Variants in DCLRE1C observed in about 807,000 individuals in gnomAD.
DCLRE1C encodes the protein protein artemis.
DCLRE1C carries 47 observed loss-of-function variants against 61.4 expected under a neutral mutation model. That is an observed-to-expected ratio of 0.77 (90% CI 0.61 to 0.98). The LOEUF (loss-of-function observed/expected upper bound fraction) is 0.98. Among genes scored for constraint, DCLRE1C ranks in the 50% least tolerant of loss-of-function variants. The pLI is 0.00. For missense variants in DCLRE1C, 858 were observed against 816.0 expected, an observed-to-expected ratio of 1.05 and a Z score of -0.63; for synonymous variants, 337 against 287.6, an observed-to-expected ratio of 1.17 and a Z score of -1.74.
At position 14,907,726 on chromosome 10, in the gene DCLRE1C, A is replaced by T. The variant is rs1041609652; in HGVS notation, c.*682T>A. Among the ~76,000 whole-genome samples the T allele has an allele frequency of 3.3e-5, 5 of 151,658 alleles. No individual in the cohort carries two copies. The highest frequency in any genetic ancestry group is 1.2e-4 in the African/African-American group (5 of 41,200). Reference sequence around the variant, plus strand: ...TTTAACCTATCAATCACTTGAATTGACTTTCTTTATAGACAGCAGATCACT... The same window carrying T: ...TTTAACCTATCAATCACTTGAATTGTCTTTCTTTATAGACAGCAGATCACT... On this transcript the variant is annotated 3_prime_UTR_variant, in exon 14 of 14. Coordinates refer to ENST00000378278, the MANE Select transcript of DCLRE1C (RefSeq NM_001033855.3).
chr10:14,923,149 AAG>A, intron 11 of DCLRE1C, 80 bp from the exon 12 acceptor site: 1 of 1,095,550 alleles, frequency 9.1e-7, no homozygotes, highest in Non-Finnish European at 1.4e-6. Flanking sequence ...AGGCTGGGGA[AAG>A]AGAAGCAGAA....
intron 9 of DCLRE1C, among the ~76,000 whole-genome samples, chr10:14,928,653 G>A (rs1838434940): frequency 6.6e-6 from 1 of 152,186 alleles, no homozygotes; most frequent in Non-Finnish European, 1.5e-5. Flanking sequence ...TGAAGGATTT[G>A]GGGTGACGTA....
chr10:14,899,099 C>T (rs952085913), exon 14 of DCLRE1C: 11 of 628,850 alleles, frequency 1.7e-5, no homozygotes, highest in Non-Finnish European at 2.0e-5. Context: ...GCTGGAGGCT[C>T]ACTTGAGCCC....
chr10:14,923,114 A>G (rs1208648570), intron 11 of DCLRE1C, 45 bp from the exon 12 acceptor site: 1 of 1,456,518 alleles, frequency 6.9e-7, no homozygotes, highest in African/African-American at 1.4e-5. Context: ...CTACGATGAA[A>G]CAGGTTGTTA....
chr10:14,899,646 G>C (rs777832782), downstream of DCLRE1C: 3 of 1,614,046 alleles, frequency 1.9e-6, no homozygotes. Context: ...CAGTGGATGC[G>C]GCTCGATACG....
At chr10:14,945,805 C>T (rs1195341643) in intron 2 of DCLRE1C, among the ~76,000 whole-genome samples, 7 of 151,058 alleles carry the variant, frequency 4.6e-5, no homozygotes, top group Middle Eastern at 3.4e-3. Flanking sequence ...ATTACAAGCA[C>T]GCGCCATGAT....
intron 1 of DCLRE1C, 128 bp downstream of exon 1, chr10:14,953,774 G>T (rs1270812221): frequency 5.2e-6 from 7 of 1,347,000 alleles, no homozygotes; most frequent in Non-Finnish European, 6.2e-6. Flanking sequence ...ACTGGGACAA[G>T]GCGTGTGCTG....
intron 3 of DCLRE1C, among the ~76,000 whole-genome samples, chr10:14,940,187 A>C (rs1392876160): frequency 6.6e-6 from 1 of 151,938 alleles, no homozygotes; most frequent in Non-Finnish European, 1.5e-5. Context: ...CTCTCTCTGA[A>C]TTCTGAGTCT....
At position 14,925,225 on chromosome 10, in the gene DCLRE1C, TAAAAAAAAAA is replaced by T. The variant is rs67477083; in HGVS notation, c.972+1608_972+1617del. Among the ~76,000 whole-genome samples the T allele has an allele frequency of 7.3e-5, 8 of 109,326 alleles. No individual in the cohort carries two copies. The South Asian group carries it at 9.0e-4, about 12-fold the overall frequency. The allele number at this position is 109,326 out of a possible 152,430, so 71.7% of individuals were successfully genotyped here. ...AGACTTTTGAAGGGAATAAAGGATTTAAAAAAAAAAAAAAAAAAAAAAAGTAAAGTCAAGC... is the reference window on the plus strand; with the variant it reads ...AGACTTTTGAAGGGAATAAAGGATTTAAAAAAAAAAAAAGTAAAGTCAAGC... On this transcript the variant is annotated intron_variant, in intron 11 of 13. Coordinates refer to ENST00000378278, the MANE Select transcript of DCLRE1C (RefSeq NM_001033855.3).
intron 13 of DCLRE1C, among the ~76,000 whole-genome samples, chr10:14,912,721 G>C (rs970336336): frequency 6.6e-6 from 1 of 152,138 alleles, no homozygotes; most frequent in African/African-American, 2.4e-5. Context: ...ACAGAGTCTC[G>C]CTCTGTCGCC....
At chr10:14,922,068 T>A (rs1390576452) in intron 12 of DCLRE1C, among the ~76,000 whole-genome samples, 3 of 152,232 alleles carry the variant, frequency 2.0e-5, no homozygotes, top group Non-Finnish European at 2.9e-5. Flanking sequence ...TCCGTGAGAC[T>A]GGAGCTCTGC....
chr10:14,952,379 G>A (rs1842578122), intron 1 of DCLRE1C, among the ~76,000 whole-genome samples: 1 of 152,174 alleles, frequency 6.6e-6, no homozygotes, highest in South Asian at 2.1e-4. Flanking sequence ...CCTGAGGCCA[G>A]GAGTTCGAGA....
chr10:14,944,732 T>C (rs897351657), intron 3 of DCLRE1C, among the ~76,000 whole-genome samples: 24 of 147,342 alleles, frequency 1.6e-4, no homozygotes, highest in Admixed American at 1.3e-3. Context: ...TGGAGTGCAG[T>C]GGCGTGATCT....
chr10:14,953,324 G>A (rs894039210), intron 1 of DCLRE1C, among the ~76,000 whole-genome samples: 4 of 152,162 alleles, frequency 2.6e-5, no homozygotes, highest in East Asian at 1.9e-4. Context: ...GCTGTGAAAG[G>A]ATCCAGCTGT....
chr10:14,948,229 T>C (rs1214151594), intron 2 of DCLRE1C, among the ~76,000 whole-genome samples: 2 of 151,768 alleles, frequency 1.3e-5, no homozygotes, highest in African/African-American at 4.8e-5. Flanking sequence ...AAAAAATTGT[T>C]GAACAAAAAA....
chr10:14,926,775 T>TA, intron 11 of DCLRE1C, 68 bp downstream of exon 11: 1 of 1,248,146 alleles, frequency 8.0e-7, no homozygotes, highest in South Asian at 1.2e-5. Context: ...GTCAGGGGAC[T>TA]ACCTGTCAAC....
chr10:14,917,442 T>C (rs1836377129), intron 13 of DCLRE1C, among the ~76,000 whole-genome samples: 1 of 151,678 alleles, frequency 6.6e-6, no homozygotes, highest in African/African-American at 2.4e-5. Flanking sequence ...TTGAAAAGAT[T>C]ACCTACAGAG....
exon 14 of DCLRE1C, chr10:14,897,475 G>A: frequency 6.3e-7 from 1 of 1,585,102 alleles, no homozygotes; most frequent in Non-Finnish European, 8.6e-7. Context: ...AGACCCTTGT[G>A]AAGATTAAAA....
chr10:14,934,833 T>G (rs1322045666), intron 6 of DCLRE1C, 58 bp from the exon 7 acceptor site: 7 of 1,326,010 alleles, frequency 5.3e-6, no homozygotes, highest in Non-Finnish European at 7.6e-6. Context: ...ATGTGTAACT[T>G]TTTTTGTTTT....
Sources: allele counts gnomAD v4.1 joint callset (sites outside exome capture counted in the v4.1 genomes callset), GRCh38; gene constraint gnomAD v4.1.1; transcripts MANE v1.5; gene names NCBI Gene and HGNC (gene_info 2026-07-23, HGNC 2026-07-21).